The following MCC variants were observed in gnomAD, a reference collection of about 807,000 sequenced individuals.
MCC encodes colorectal mutant cancer protein.
In MCC, 90 loss-of-function variants were observed where a neutral mutation model predicts 116.2. That is an observed-to-expected ratio of 0.77 (90% CI 0.65 to 0.92). The LOEUF (loss-of-function observed/expected upper bound fraction) is 0.92, where lower values mean the gene tolerates loss of function less well. Ranked by LOEUF, MCC falls within the 40% of genes least tolerant of loss-of-function variation. MCC has a pLI of 0.00. For synonymous variants in MCC, 578 were observed against 510.5 expected (o/e 1.13, Z -1.78); for missense variants, 1,516 against 1,312.2 (o/e 1.16, Z -2.40).
chr5:113,154,613 A>G (rs1445439799), intron 3 of MCC, among the ~76,000 whole-genome samples: 2 of 152,154 alleles, frequency 1.3e-5, no homozygotes, highest in African/African-American at 2.4e-5. Flanking sequence ...TTGGGGTTTC[A>G]CCAGTCTCTG....
At chr5:113,404,935 G>A (rs1224771415) in intron 1 of MCC, among the ~76,000 whole-genome samples, 1 of 152,172 alleles carries the variant, frequency 6.6e-6, no homozygotes, top group African/African-American at 2.4e-5. Flanking sequence ...GGAGACCTAC[G>A]GAGCTGTTAC....
chr5:113,403,775 G>A (rs572892207), intron 1 of MCC, among the ~76,000 whole-genome samples: 79 of 152,306 alleles, frequency 5.2e-4, no homozygotes, highest in African/African-American at 1.8e-3. Flanking sequence ...GAGAATGTGA[G>A]GTCCAGTTAG....
chr5:113,028,499 G>A (rs781657819), intron 18 of MCC, among the ~76,000 whole-genome samples: 12 of 152,020 alleles, frequency 7.9e-5, no homozygotes, highest in East Asian at 3.9e-4. Flanking sequence ...GAGGTCCTCC[G>A]TTTTTTATAG....
chr5:113,412,593 A>T (rs1285173046), intron 1 of MCC, among the ~76,000 whole-genome samples: 1 of 152,104 alleles, frequency 6.6e-6, no homozygotes, highest in Non-Finnish European at 1.5e-5. Flanking sequence ...GGTGTATAGG[A>T]ATGCTTGTGA....
rs1442030274 is a variant in MCC at position 113,023,133 on chromosome 5, C to A, written c.*4169G>T. ...AGTCAGCATTATTTCTTAGAGAATA[C>A]AAATGTATTAAGTTAGAGTAATTTC... is the stretch of plus-strand genomic sequence containing the variant. On this transcript the variant is annotated 3_prime_UTR_variant, in exon 19 of 19. Transcript: ENST00000408903. 6.6e-6 allele frequency: 1 copy of A among 152,120 alleles called. No individual in the cohort carries two copies. Among genetic ancestry groups the A allele is most frequent in the East Asian group, 1.9e-4 (1 of 5,188 alleles). The allele number at this position is 152,120 out of a possible 1,614,324, so 9.4% of individuals were successfully genotyped here. A position where few individuals can be genotyped will look rare whatever the true frequency, so the allele number is the denominator to read the frequency against.
intron 17 of MCC, among the ~76,000 whole-genome samples, chr5:113,029,855 G>T (rs1412878335): frequency 2.0e-5 from 3 of 152,182 alleles, no homozygotes; most frequent in African/African-American, 7.2e-5. Context: ...AGCACACTCA[G>T]CACTATGTCA....
intron 17 of MCC, among the ~76,000 whole-genome samples, chr5:113,040,957 C>A (rs762359151): frequency 2.0e-5 from 3 of 152,216 alleles, no homozygotes; most frequent in Non-Finnish European, 4.4e-5. Context: ...CTTACAGATA[C>A]AATATCCAAA....
intron 1 of MCC, among the ~76,000 whole-genome samples, chr5:113,487,098 C>G (rs348947): frequency 0.69 from 104,482 of 151,700 alleles, 36,392 homozygotes; most frequent in East Asian, 0.88. Context: ...AAAACTTTAG[C>G]AAAGTAATAA....
intron 13 of MCC, 62 bp downstream of exon 13, chr5:113,068,017 CA>C (rs952119891): frequency 4.7e-5 from 66 of 1,415,430 alleles, no homozygotes; most frequent in Admixed American, 1.5e-4. Flanking sequence ...GTTGCTGAGA[CA>C]GGGGCAGAAG....
At chr5:113,119,962 G>T (rs1757640136) in intron 6 of MCC, among the ~76,000 whole-genome samples, 1 of 152,224 alleles carries the variant, frequency 6.6e-6, no homozygotes, top group Admixed American at 6.5e-5. Context: ...GGTCCAAGAA[G>T]CCCCACAGGA....
intron 1 of MCC, among the ~76,000 whole-genome samples, chr5:113,460,790 G>A (rs779297220): frequency 6.6e-6 from 1 of 152,200 alleles, no homozygotes; most frequent in Non-Finnish European, 1.5e-5. Flanking sequence ...CCATGGACCT[G>A]CAGCATCTGC....
At chr5:113,226,473 C>T (rs560361904) in intron 3 of MCC, among the ~76,000 whole-genome samples, 1 of 152,292 alleles carries the variant, frequency 6.6e-6, no homozygotes, top group African/African-American at 2.4e-5. Context: ...GTGGCACCCA[C>T]GCAAAGAACA....
intron 3 of MCC, among the ~76,000 whole-genome samples, chr5:113,254,802 T>C (rs935905819): frequency 4.6e-5 from 7 of 152,212 alleles, no homozygotes; most frequent in African/African-American, 1.4e-4. Flanking sequence ...TTTCCCAATC[T>C]AAGAGTGTGA....
At chr5:113,412,398 C>A (rs937270917) in intron 1 of MCC, among the ~76,000 whole-genome samples, 5 of 152,156 alleles carry the variant, frequency 3.3e-5, no homozygotes, top group Non-Finnish European at 7.3e-5. Context: ...TTCTTCCTAT[C>A]CATGAGCATG....
intron 6 of MCC, among the ~76,000 whole-genome samples, chr5:113,108,924 T>A (rs977916697): frequency 6.6e-6 from 1 of 152,220 alleles, no homozygotes; most frequent in African/African-American, 2.4e-5. Flanking sequence ...CAGTTGGCAC[T>A]TGACTGTCCA....
chr5:113,441,034 T>C (rs954220168), intron 1 of MCC, among the ~76,000 whole-genome samples: 5 of 152,214 alleles, frequency 3.3e-5, no homozygotes, highest in South Asian at 4.2e-4. Flanking sequence ...AGACGCAGAA[T>C]TAGAAAAAAA....
At chr5:113,148,157 T>C (rs1759638008) in intron 4 of MCC, among the ~76,000 whole-genome samples, 1 of 152,220 alleles carries the variant, frequency 6.6e-6, no homozygotes, top group African/African-American at 2.4e-5. Flanking sequence ...TCTTAGCCAG[T>C]TTCCCACAGG....
intron 1 of MCC, among the ~76,000 whole-genome samples, chr5:113,404,633 C>G (rs980424739): frequency 1.3e-5 from 2 of 152,172 alleles, no homozygotes; most frequent in Non-Finnish European, 2.9e-5. Context: ...GATGACTGAA[C>G]AGAGTTATTC....
chr5:113,056,632 A>C (rs1293309062), intron 14 of MCC, among the ~76,000 whole-genome samples: 4 of 152,214 alleles, frequency 2.6e-5, no homozygotes, highest in African/African-American at 9.6e-5. Flanking sequence ...TACGAAGCTT[A>C]ATACCTGGGT....
Sources: gnomAD v4.1 joint callset for allele counts (sites outside exome capture counted in the v4.1 genomes callset) on GRCh38, gnomAD v4.1.1 for gene constraint, MANE v1.5 for transcripts, NCBI Gene and HGNC (gene_info 2026-07-23, HGNC 2026-07-21) for gene names.